ADRA1A: variants seen among roughly 807,000 people sequenced by gnomAD.
ADRA1A encodes the protein adrenoceptor alpha 1A.
A neutral mutation model predicts 29.6 loss-of-function variants in ADRA1A; 31 were observed. The observed-to-expected ratio is 1.05, with a 90% CI of 0.79 to 1.41. ADRA1A has a LOEUF of 1.41. ADRA1A is among the 40% of genes most tolerant of loss of function. The probability of loss-of-function intolerance (pLI) is 0.00; values close to 1 mark genes in which losing one functional copy is unlikely to be tolerated. For missense variants in ADRA1A, 619 were observed against 601.1 expected, an observed-to-expected ratio of 1.03 and a Z score of -0.31; for synonymous variants, 311 against 254.3, an observed-to-expected ratio of 1.22 and a Z score of -2.12.
At position 26,775,852 on chromosome 8, in the gene ADRA1A, T is replaced by C. The variant is rs1806508676; in HGVS notation, c.884-5186A>G. On this transcript the variant is annotated intron_variant, in intron 2 of 2. Coordinates refer to ENST00000380573, the MANE Select transcript of ADRA1A (RefSeq NM_000680.4). The surrounding 1 kb of genome is among the most constrained non-coding windows in gnomAD (Gnocchi z 4.1). The stretch of plus-strand genomic sequence containing the variant: ...CCATCAACATTCTCATTCATGGAGA[T>C]TCAGAATCCTCACTTCCACTGTAAA... Among the ~76,000 whole-genome samples the C allele has an allele frequency of 6.6e-6, 1 of 152,180 alleles. No individual in the cohort carries two copies. The highest frequency in any genetic ancestry group is 1.5e-5 in the Non-Finnish European group (1 of 68,026).
At position 26,796,010 on chromosome 8, in the gene ADRA1A, T is replaced by C. The variant is rs1808167884; in HGVS notation, c.884-25344A>G. On this transcript the variant is annotated intron_variant, in intron 2 of 2. Transcript: ENST00000380573. This position sits in a 1 kb window ranked among gnomAD's most constrained non-coding sequence, Gnocchi z 5.0. Reference sequence around the variant, plus strand: ...TAAGAAAATTGAAGATATATGATAATATAAAATTATTGTCAGCTTTTGTTT... The same window carrying C: ...TAAGAAAATTGAAGATATATGATAACATAAAATTATTGTCAGCTTTTGTTT... Among the ~76,000 whole-genome samples the C allele has an allele frequency of 6.6e-6, 1 of 152,100 alleles. No individual in the cohort carries two copies. Among genetic ancestry groups the C allele is most frequent in the Non-Finnish European group, 1.5e-5 (1 of 67,998 alleles).
chr8:26,866,798 G>A lies in ADRA1A; in HGVS notation c.-687+138C>T, dbSNP rs1813935164. The A allele has an allele frequency of 2.6e-6, 2 of 778,362 alleles. No homozygotes were observed. Among genetic ancestry groups the A allele is most frequent in the South Asian group, 5.8e-5 (1 of 17,272 alleles). The allele number at this position is 778,362 out of a possible 1,614,324, so 48.2% of individuals were successfully genotyped here. On this transcript the variant is annotated intron_variant, in intron 1 of 2. Transcript: ENST00000380573. This position sits in a 1 kb window ranked among gnomAD's most constrained non-coding sequence, Gnocchi z 5.7. Reference sequence around the variant, plus strand: ...AGAAGATGTAAGGGAATCGGGGGTGGGGTAGAGGGGCCGGTATAAAACCTG... The same window carrying A: ...AGAAGATGTAAGGGAATCGGGGGTGAGGTAGAGGGGCCGGTATAAAACCTG...
chr8:26,748,816 A>G (rs1006273059), intron 2 of ADRA1A: 16 of 387,866 alleles, frequency 4.1e-5, no homozygotes, highest in African/African-American at 6.6e-5. Flanking sequence ...TTTATTCAGC[A>G]TGGCTTTTTA....
rs372749147 is a variant in ADRA1A at position 26,864,956 on chromosome 8, G to A, written c.14C>T (p.Ser5Leu). The A allele has an allele frequency of 1.2e-6, 2 of 1,606,000 alleles. No individual in the cohort carries two copies. Among genetic ancestry groups the A allele is most frequent in the African/African-American group, 2.7e-5 (2 of 74,882 alleles). The change falls in exon 2 of 3, where the codon TCG becomes TTG. Residue 5 changes from serine to leucine, a missense_variant. Coordinates refer to ENST00000380573, the MANE Select transcript of ADRA1A (RefSeq NM_000680.4). This position sits in a 1 kb window ranked among gnomAD's most constrained non-coding sequence, Gnocchi z 8.1. MVFL[S>L]GNASDSSNCT... is the part of the protein sequence containing the mutation. ...GTTGGAGCTGTCGGAAGCATTTCCC[G>A]AGAGAAACACCATGGTCCCAGCCGG...
intron 2 of ADRA1A, among the ~76,000 whole-genome samples, chr8:26,783,384 C>T (rs1423897229): frequency 2.6e-5 from 4 of 152,004 alleles, no homozygotes; most frequent in South Asian, 2.1e-4. Flanking sequence ...CTCAGCTGAG[C>T]GATGTGGCAT....
chr8:26,830,361 C>A (rs1267083281), intron 2 of ADRA1A, among the ~76,000 whole-genome samples: 2 of 152,202 alleles, frequency 1.3e-5, no homozygotes, highest in African/African-American at 4.8e-5. Flanking sequence ...TCCCTAAGAT[C>A]TTGCAGTCTG....
At position 26,865,075 on chromosome 8, in the gene ADRA1A, G is replaced by C; in HGVS notation, c.-106C>G. 13 of 1,505,122 alleles carry C rather than the reference G, an allele frequency of 8.6e-6. No homozygotes were observed. The highest frequency in any genetic ancestry group is 4.0e-5 in the South Asian group (3 of 74,754). 93.2% of individuals were successfully genotyped at this position (1,505,122 alleles called of 1,614,324 possible). On this transcript the variant is annotated 5_prime_UTR_variant, in exon 2 of 3. Transcript: ENST00000380573. This position sits in a 1 kb window ranked among gnomAD's most constrained non-coding sequence, Gnocchi z 7.6. Reference sequence around the variant, plus strand: ...GGAATCAAAAGGTCTCGGCTGGAGGGAGCCCTGCCAGGTGGGTTTGGCTGG... The same window carrying C: ...GGAATCAAAAGGTCTCGGCTGGAGGCAGCCCTGCCAGGTGGGTTTGGCTGG...
rs1806028840 is a variant in ADRA1A at position 26,770,181 on chromosome 8, T to C, written c.1369A>G (p.Ile457Val). The C allele has an allele frequency of 2.5e-6, 4 of 1,573,330 alleles. No homozygotes were observed. The highest frequency in any genetic ancestry group is 2.6e-6 in the Non-Finnish European group (3 of 1,158,290). The change falls in exon 3 of 3, where the codon ATC (isoleucine) becomes GTC (valine). Residue 457 changes from isoleucine (I) to valine (V), a missense_variant. Physicochemically the swap from Ile to Val is conservative, Grantham distance 29. Coordinates refer to ENST00000380573, the MANE Select transcript of ADRA1A (RefSeq NM_000680.4). ...HQVPTIKVHT[I>V]SLSENGEEV ...TCCTCCCCGTTCTCACTGAGGGAGA[T>C]GGTGTGGACCTTAATGGTTGGAACT... is the stretch of plus-strand genomic sequence containing the variant.
At chr8:26,836,299 C>A in intron 2 of ADRA1A, 1 of 165,214 alleles carries the variant, frequency 6.1e-6, no homozygotes, top group Non-Finnish European at 1.3e-5. Context: ...GCAAAGACAT[C>A]AACTTTGGAC....
downstream of ADRA1A, among the ~76,000 whole-genome samples, chr8:26,761,027 G>C (rs552089451): frequency 1.6e-4 from 25 of 152,202 alleles, no homozygotes; most frequent in Non-Finnish European, 2.9e-4. Flanking sequence ...GCCTGCTTAG[G>C]GGCTGGAGTA....
intron 2 of ADRA1A, among the ~76,000 whole-genome samples, chr8:26,833,032 G>T (rs557054325): frequency 3.9e-5 from 6 of 152,348 alleles, no homozygotes; most frequent in Admixed American, 3.9e-4. Flanking sequence ...CCCATTGCAC[G>T]GGTGCACGAT....
At chr8:26,797,859 T>C (rs35137142) in intron 2 of ADRA1A, among the ~76,000 whole-genome samples, 15,844 of 152,168 alleles carry the variant, frequency 0.1, 1,331 homozygotes, top group East Asian at 0.33. Flanking sequence ...AGTACATAAT[T>C]GTTAAGTGCT....
chr8:26,776,903 G>A (rs946390016), intron 2 of ADRA1A, among the ~76,000 whole-genome samples: 2 of 152,164 alleles, frequency 1.3e-5, no homozygotes, highest in South Asian at 2.1e-4. Context: ...TGTTCAGCGA[G>A]TGGTCTCTCC....
At chr8:26,824,641 C>T (rs1050685191) in intron 2 of ADRA1A, among the ~76,000 whole-genome samples, 21 of 152,154 alleles carry the variant, frequency 1.4e-4, no homozygotes, top group Admixed American at 3.9e-4. Context: ...TGCCAGCATG[C>T]TCCCTTAAGC....
chr8:26,831,692 CT>C lies in ADRA1A; in HGVS notation c.883+32394del, dbSNP rs1431498657. Among the ~76,000 whole-genome samples the C allele has an allele frequency of 6.6e-6, 1 of 152,250 alleles. No individual in the cohort carries two copies. On this transcript the variant is annotated intron_variant, in intron 2 of 2. Coordinates refer to ENST00000380573, the MANE Select transcript of ADRA1A (RefSeq NM_000680.4). This position sits in a 1 kb window ranked among gnomAD's most constrained non-coding sequence, Gnocchi z 5.2. ...CACATGCCAATTGTCTTCTTGTTTT[CT>C]TTCCAGGACAAGAAGAACATAGTTT... is the stretch of plus-strand genomic sequence containing the variant.
chr8:26,798,326 A>G (rs1808326495), intron 2 of ADRA1A, among the ~76,000 whole-genome samples: 1 of 152,178 alleles, frequency 6.6e-6, no homozygotes, highest in Non-Finnish European at 1.5e-5. Flanking sequence ...GCTCTTTCAG[A>G]GAATTAGATG....
At chr8:26,753,708 A>G (rs776936813), downstream of ADRA1A, among the ~76,000 whole-genome samples, 24 of 152,172 alleles carry the variant, frequency 1.6e-4, no homozygotes, top group Non-Finnish European at 8.8e-5. Flanking sequence ...AAACTATTAC[A>G]ATCTACCTCA....
intron 2 of ADRA1A, among the ~76,000 whole-genome samples, chr8:26,847,147 C>A (rs1370925535): frequency 6.6e-6 from 1 of 151,898 alleles, no homozygotes; most frequent in Non-Finnish European, 1.5e-5. Flanking sequence ...TACAGCGCAC[C>A]AGCATGGCAC....
rs149352214 is a variant in ADRA1A, at chr8:26,781,036, G to A, written c.884-10370C>T. ...ATAAAGTGCACAATAAATGCAATGC[G>A]CTTGAATCATCCTGAAACCATCCTC... On this transcript the variant is annotated intron_variant, in intron 2 of 2. Transcript: ENST00000380573. Among the ~76,000 whole-genome samples, 942 of 152,246 alleles carry A rather than the reference G, an allele frequency of 6.2e-3. 14 individuals are homozygous for A. The highest frequency in any genetic ancestry group is 0.019 in the African/African-American group (798 of 41,542).
Sources: allele counts gnomAD v4.1 joint callset (sites outside exome capture counted in the v4.1 genomes callset), GRCh38; gene constraint gnomAD v4.1.1; non-coding constraint Gnocchi (gnomAD v3.1); transcripts MANE v1.5; gene names NCBI Gene and HGNC (gene_info 2026-07-23, HGNC 2026-07-21).